The following RB1 variants were observed in gnomAD, a reference collection of about 807,000 sequenced individuals.
RB1 encodes retinoblastoma-associated protein.
Under a neutral mutation model 135.4 loss-of-function variants are expected in RB1, and 18 were observed. The ratio of observed to expected loss-of-function variants is 0.13; its 90% CI spans 0.09 to 0.20. RB1 has a LOEUF of 0.20. Among genes scored for constraint, RB1 ranks in the 10% least tolerant of loss-of-function variants. The pLI is 1.00. For missense variants in RB1, 868 were observed against 1,110.0 expected, an observed-to-expected ratio of 0.78 and a Z score of 3.10; for synonymous variants, 365 against 373.2, an observed-to-expected ratio of 0.98 and a Z score of 0.25.
rs1014225642 is a variant in RB1, at chr13:48,303,978, A to G, written c.66A>G (p.Ala22=). Residue 22 remains alanine (A), a synonymous_variant, in exon 1 of 27, where the codon GCA becomes GCG. Coordinates refer to ENST00000267163, the MANE Select transcript of RB1 (RefSeq NM_000321.3). ...CCGCTGCCGCCGCGGAACCCCCGGCACCGCCGCCGCCGCCCCCTCCTGAGG... is the reference window on the plus strand; with the variant it reads ...CCGCTGCCGCCGCGGAACCCCCGGCGCCGCCGCCGCCGCCCCCTCCTGAGG... ...TAAAAAAEPP[A]PPPPPPPEED... The G allele has an allele frequency of 1.3e-6, 2 of 1,501,686 alleles. No homozygotes were observed. The highest frequency in any genetic ancestry group is 1.8e-6 in the Non-Finnish European group (2 of 1,133,172). The allele number at this position is 1,501,686 out of a possible 1,614,324, so 93.0% of individuals were successfully genotyped here. A position where few individuals can be genotyped will look rare whatever the true frequency, so the allele number is the denominator to read the frequency against.
intron 5 of RB1, among the ~76,000 whole-genome samples, chr13:48,348,583 A>G (rs371720492): frequency 6.6e-6 from 1 of 151,710 alleles, no homozygotes; most frequent in South Asian, 2.1e-4. Context: ...GTATGTTATA[A>G]CATACTATGT....
chr13:48,332,998 T>A, intron 2 of RB1: 1 of 398,242 alleles, frequency 2.5e-6, no homozygotes, highest in East Asian at 3.6e-5. Context: ...GTGAATGTAG[T>A]CTGTTTCTCT....
chr13:48,352,158 T>C (rs140275116), intron 6 of RB1, among the ~76,000 whole-genome samples: 37 of 152,310 alleles, frequency 2.4e-4, no homozygotes, highest in African/African-American at 8.7e-4. Context: ...TGTGCAACCT[T>C]ATTTCTGGGT....
chr13:48,317,083 C>T (rs940810661), intron 2 of RB1: 21 of 864,434 alleles, frequency 2.4e-5, no homozygotes, highest in Non-Finnish European at 3.3e-5. Flanking sequence ...GGCCAGGGCC[C>T]GCCGTCCTTC....
intron 6 of RB1, among the ~76,000 whole-genome samples, chr13:48,358,614 A>C (rs1209125450): frequency 6.6e-6 from 1 of 152,106 alleles, no homozygotes; most frequent in Non-Finnish European, 1.5e-5. Context: ...TTGGGATTCA[A>C]ATTGTCCCCA....
At chr13:48,304,728 G>A (rs952706317) in intron 1 of RB1, among the ~76,000 whole-genome samples, 1 of 152,136 alleles carries the variant, frequency 6.6e-6, no homozygotes, top group Non-Finnish European at 1.5e-5. Context: ...AAACTTTCAT[G>A]AGACATTTAC....
rs587778832 is a variant in RB1 at position 48,380,197 on chromosome 13, CTT to C, written c.1456_1457del (p.Leu486IlefsTer6). 2 of 1,587,240 alleles carry C rather than the reference CTT, an allele frequency of 1.3e-6. No individual in the cohort carries two copies. Among genetic ancestry groups the C allele is most frequent in the Non-Finnish European group, 1.7e-6 (2 of 1,167,988 alleles). ...CTGAATGACAACATTTTTCATATGT[CTT>C]TATTGGCGTGCGCTCTTGAGGTTGT... On this transcript the variant is annotated frameshift_variant, in exon 16 of 27. Transcript: ENST00000267163. LOFTEE classifies it high-confidence loss of function.
chr13:48,416,391 C>A, intron 17 of RB1: 1 of 152,440 alleles, frequency 6.6e-6, no homozygotes. Flanking sequence ...AGGAACGATG[C>A]ATTCCGGCCC....
intron 2 of RB1, chr13:48,333,255 G>A (rs1952352446): frequency 5.1e-6 from 2 of 389,470 alleles, no homozygotes; most frequent in Non-Finnish European, 9.1e-6. Flanking sequence ...AACAGCACAT[G>A]TCATATTTGG....
At chr13:48,342,310 C>T (rs761926960) in intron 2 of RB1, among the ~76,000 whole-genome samples, 5 of 151,682 alleles carry the variant, frequency 3.3e-5, no homozygotes, top group Admixed American at 6.6e-5. Context: ...AAAAATGAAA[C>T]TATTTTGAGG....
rs56131979 is a variant in RB1 at position 48,313,745 on chromosome 13, C to CTTTTTTTTTTTTTTTTT, written c.264+6344_264+6360dup. Among the ~76,000 whole-genome samples, 26 of 101,952 alleles carry CTTTTTTTTTTTTTTTTT rather than the reference C, an allele frequency of 2.6e-4. 1 individual carries two copies. The highest frequency in any genetic ancestry group is 6.5e-4 in the South Asian group (2 of 3,072). 66.9% of individuals were successfully genotyped at this position (101,952 alleles called of 152,430 possible). A position where few individuals can be genotyped will look rare whatever the true frequency, so the allele number is the denominator to read the frequency against. On this transcript the variant is annotated intron_variant, in intron 2 of 26. Coordinates refer to ENST00000267163, the MANE Select transcript of RB1 (RefSeq NM_000321.3). ...TATTCCATTGCTCTGTATGTTTATT[C>CTTTTTTTTTTTTTTTTT]TTTTTTTTTTTTTTTTTTTTTGAGA... is the stretch of plus-strand genomic sequence containing the variant.
chr13:48,369,324 AACTCTT>A (rs1247585960), intron 11 of RB1, among the ~76,000 whole-genome samples: 2 of 152,134 alleles, frequency 1.3e-5, no homozygotes, highest in Non-Finnish European at 2.9e-5. Flanking sequence ...CTGCTCTCAC[AACTCTT>A]GTCCAAGACA....
chr13:48,449,190 G>T, intron 17 of RB1, among the ~76,000 whole-genome samples: 1 of 147,508 alleles, frequency 6.8e-6, no homozygotes. Flanking sequence ...ATTTTGTTTT[G>T]GCATATTTAT....
intron 17 of RB1, among the ~76,000 whole-genome samples, chr13:48,435,087 T>C (rs921654819): frequency 6.6e-6 from 1 of 152,188 alleles, no homozygotes; most frequent in African/African-American, 2.4e-5. Context: ...ATGAGTAAAA[T>C]TGAAGAGTTG....
chr13:48,407,828 G>A (rs2138190771), intron 17 of RB1, among the ~76,000 whole-genome samples: 1 of 152,196 alleles, frequency 6.6e-6, no homozygotes, highest in South Asian at 2.1e-4. Context: ...TTATAAAATT[G>A]TTTCTACACA....
chr13:48,443,740 T>C (rs753245857), intron 17 of RB1, among the ~76,000 whole-genome samples: 1 of 152,212 alleles, frequency 6.6e-6, no homozygotes, highest in African/African-American at 2.4e-5. Context: ...AAATGCCTCC[T>C]TAAATTTTCC....
intron 2 of RB1, chr13:48,317,234 T>C: frequency 4.8e-6 from 2 of 413,824 alleles, no homozygotes; most frequent in South Asian, 6.1e-5. Flanking sequence ...GGAGACACCC[T>C]TTCCAAAATG....
At chr13:48,362,343 C>T (rs1224994123) in intron 7 of RB1, among the ~76,000 whole-genome samples, 1 of 151,662 alleles carries the variant, frequency 6.6e-6, no homozygotes, top group Non-Finnish European at 1.5e-5. Context: ...AGTTTATTAT[C>T]ATATTATTAT....
At chr13:48,305,887 G>C (rs1274044765) in intron 1 of RB1, among the ~76,000 whole-genome samples, 3 of 152,170 alleles carry the variant, frequency 2.0e-5, no homozygotes, top group Non-Finnish European at 4.4e-5. Context: ...TATTTCTGTT[G>C]CCTTATCTCT....
Sources: gnomAD v4.1 joint callset for allele counts (sites outside exome capture counted in the v4.1 genomes callset) on GRCh38, gnomAD v4.1.1 for gene constraint, MANE v1.5 for transcripts, NCBI Gene and HGNC (gene_info 2026-07-23, HGNC 2026-07-21) for gene names.